The following PAPPA2 variants were observed in gnomAD, a reference collection of about 807,000 sequenced individuals.
PAPPA2 encodes pappalysin 2.
A neutral mutation model predicts 176.4 loss-of-function variants in PAPPA2; 86 were observed. The ratio of observed to expected loss-of-function variants is 0.49; its 90% CI spans 0.41 to 0.58. PAPPA2 has a LOEUF of 0.58. Ranked by LOEUF, PAPPA2 falls within the 20% of genes least tolerant of loss-of-function variation. The probability of loss-of-function intolerance (pLI) is 0.00; values close to 1 mark genes in which losing one functional copy is unlikely to be tolerated. For missense variants in PAPPA2, 2,073 were observed against 2,256.9 expected, an observed-to-expected ratio of 0.92 and a Z score of 1.65; for synonymous variants, 809 against 852.2, an observed-to-expected ratio of 0.95 and a Z score of 0.88.
At chr1:176,515,948 CG>C (rs1485836352) in intron 1 of PAPPA2, among the ~76,000 whole-genome samples, 2 of 152,154 alleles carry the variant, frequency 1.3e-5, no homozygotes, top group Non-Finnish European at 2.9e-5. Flanking sequence ...CAACAGTTCT[CG>C]GAAGGAGGTA....
chr1:176,568,372 T>C (rs1464782543), intron 2 of PAPPA2, among the ~76,000 whole-genome samples: 1 of 152,196 alleles, frequency 6.6e-6, no homozygotes, highest in African/African-American at 2.4e-5. Flanking sequence ...TTTACAAATA[T>C]TAACTCACAT....
intron 1 of PAPPA2, among the ~76,000 whole-genome samples, chr1:176,512,977 G>A (rs1648698460): frequency 6.6e-6 from 1 of 152,132 alleles, no homozygotes. Context: ...AAAAGTTAGG[G>A]ATAGCCTGAT....
chr1:176,683,776 T>C (rs528679956), intron 4 of PAPPA2, among the ~76,000 whole-genome samples: 4 of 152,224 alleles, frequency 2.6e-5, no homozygotes, highest in Admixed American at 2.6e-4. Flanking sequence ...GTGGTTCCTC[T>C]CTAGGGCTAA....
At chr1:176,817,533 GGT>G (rs1274224447) in intron 21 of PAPPA2, among the ~76,000 whole-genome samples, 1 of 152,058 alleles carries the variant, frequency 6.6e-6, no homozygotes, top group African/African-American at 2.4e-5. Context: ...GTTAGGAGAC[GGT>G]GTCCGTATTT....
intron 21 of PAPPA2, among the ~76,000 whole-genome samples, chr1:176,801,938 C>A (rs1479418993): frequency 6.6e-6 from 1 of 152,068 alleles, no homozygotes; most frequent in African/African-American, 2.4e-5. Context: ...TGACAAGGAA[C>A]AAAAGCTCCA....
rs375669561 is a variant in PAPPA2, at chr1:176,626,636, AAATTCTTGTC to A, written c.1991+31045_1991+31054del. Among the ~76,000 whole-genome samples, 250 of 152,308 alleles carry A rather than the reference AAATTCTTGTC, an allele frequency of 1.6e-3. 3 individuals carry two copies. Among genetic ancestry groups the A allele is most frequent in the African/African-American group, 5.7e-3 (239 of 41,566 alleles). ...AATAAAAACTTAGACAGTGTTTTGGAAATTCTTGTCAATGGAGTTATATTAGAATTGATTT... is the reference window on the plus strand; with the variant it reads ...AATAAAAACTTAGACAGTGTTTTGGAAATGGAGTTATATTAGAATTGATTT... On this transcript the variant is annotated intron_variant, in intron 3 of 22. Coordinates refer to ENST00000367662, the MANE Select transcript of PAPPA2 (RefSeq NM_020318.3).
At chr1:176,652,094 G>T (rs1657757200) in intron 3 of PAPPA2, among the ~76,000 whole-genome samples, 1 of 151,062 alleles carries the variant, frequency 6.6e-6, no homozygotes, top group South Asian at 2.1e-4. Context: ...CTGCTATTTT[G>T]AATTTTTGGT....
intron 19 of PAPPA2, among the ~76,000 whole-genome samples, chr1:176,793,159 A>G (rs1665258400): frequency 6.6e-6 from 1 of 152,194 alleles, no homozygotes; most frequent in Admixed American, 6.5e-5. Flanking sequence ...AAACAGGAAT[A>G]TTAGATATAT....
chr1:176,807,881 T>C (rs1038059902), intron 21 of PAPPA2, among the ~76,000 whole-genome samples: 2 of 152,196 alleles, frequency 1.3e-5, no homozygotes, highest in Admixed American at 6.5e-5. Flanking sequence ...TGCTCTCCTA[T>C]ACTGATGCCG....
intron 6 of PAPPA2, among the ~76,000 whole-genome samples, chr1:176,693,631 C>T (rs564261216): frequency 4.6e-5 from 7 of 152,246 alleles, no homozygotes; most frequent in South Asian, 2.1e-4. Context: ...GTATTTCAGC[C>T]TCTTGGGATT....
rs148070557 is a variant in PAPPA2, at chr1:176,788,969, C to T, written c.4716-840C>T. On this transcript the variant is annotated intron_variant, in intron 17 of 22. Transcript: ENST00000367662. ...CATCAATTATATTGCCATATCAACA[C>T]TGTTGATCCTCAAATCACTTCTGAT... Among the ~76,000 whole-genome samples, 56 of 152,298 alleles carry T rather than the reference C, an allele frequency of 3.7e-4. 1 individual carries two copies. Among genetic ancestry groups the T allele is most frequent in the Middle Eastern group, 6.8e-3 (2 of 294 alleles).
intron 1 of PAPPA2, among the ~76,000 whole-genome samples, chr1:176,542,455 T>C (rs2102568340): frequency 6.6e-6 from 1 of 152,356 alleles, no homozygotes; most frequent in Non-Finnish European, 1.5e-5. Flanking sequence ...GCTGGATCCA[T>C]TGCTGAGAAA....
rs137990021 is a variant in PAPPA2 at position 176,690,762 on chromosome 1, C to T, written c.2431+332C>T. 3,089 of 1,109,784 alleles carry T rather than the reference C, an allele frequency of 2.8e-3. 22 individuals carry two copies. Among genetic ancestry groups the T allele is most frequent in the African/African-American group, 0.019 (1,148 of 61,622 alleles). 68.7% of individuals were successfully genotyped at this position (1,109,784 alleles called of 1,614,324 possible). ...GAATGTGGTTATTCTTATTTTTGCC[C>T]GCATTCTTAGACATTTACTCTGAAG... On this transcript the variant is annotated intron_variant, in intron 5 of 22. Transcript: ENST00000367662.
intron 1 of PAPPA2, among the ~76,000 whole-genome samples, chr1:176,475,166 G>A (rs1214717126): frequency 6.6e-6 from 1 of 152,088 alleles, no homozygotes; most frequent in African/African-American, 2.4e-5. Flanking sequence ...ACTGTTCCTG[G>A]GGTACGTGGC....
intron 1 of PAPPA2, among the ~76,000 whole-genome samples, chr1:176,552,631 C>T (rs1442875872): frequency 1.3e-5 from 2 of 152,174 alleles, no homozygotes; most frequent in Non-Finnish European, 2.9e-5. Context: ...TATCCTCTCC[C>T]TTCATTCCTT....
At chr1:176,501,227 T>C (rs1647943922) in intron 1 of PAPPA2, among the ~76,000 whole-genome samples, 1 of 152,030 alleles carries the variant, frequency 6.6e-6, no homozygotes, top group Non-Finnish European at 1.5e-5. Flanking sequence ...AAGCTTTTTC[T>C]AACAGCTTTG....
At chr1:176,763,814 A>G (rs1011613615) in intron 14 of PAPPA2, among the ~76,000 whole-genome samples, 1 of 152,212 alleles carries the variant, frequency 6.6e-6, no homozygotes, top group Non-Finnish European at 1.5e-5. Flanking sequence ...GGAAGTTCAA[A>G]GGAAGAGGGC....
In PAPPA2 at chr1:176,504,888, T is replaced by C. The variant is rs12080374; in HGVS notation, c.-917+41470T>C. Reference sequence around the variant, plus strand: ...CAGATGGATGATGAAATGAAGATAATACGGAACAGAGCTATAATCTACCCA... The same window carrying C: ...CAGATGGATGATGAAATGAAGATAACACGGAACAGAGCTATAATCTACCCA... On this transcript the variant is annotated intron_variant, in intron 1 of 22. Coordinates refer to ENST00000367662, the MANE Select transcript of PAPPA2 (RefSeq NM_020318.3). Among the ~76,000 whole-genome samples, 461 of 152,194 alleles carry C rather than the reference T, an allele frequency of 3.0e-3. 1 individual carries two copies. The highest frequency in any genetic ancestry group is 0.011 in the African/African-American group (440 of 41,546).
In PAPPA2 at chr1:176,556,757, C is replaced by A; in HGVS notation, c.435C>A (p.Asp145Glu). ...IGQSELLGDD[D>E]AYLGNQRSKE... ...AATCTGAGCTGCTGGGAGATGATGA[C>A]GCTTATCTCGGCAATCAAAGATCCA... The change falls in exon 2 of 23, where the codon GAC (aspartate) becomes GAA (glutamate). Residue 145 changes from aspartate (D) to glutamate (E), a missense_variant. Asp to Glu is a conservative substitution (Grantham distance 45, BLOSUM62 2). This residue lies in a region of PAPPA2 where 1,196 missense variants were observed against 1,330.4 expected (regional missense o/e 0.90). Coordinates refer to ENST00000367662, the MANE Select transcript of PAPPA2 (RefSeq NM_020318.3). 6.2e-7 allele frequency: 1 copy of A among 1,614,076 alleles called. No homozygotes were observed. The highest frequency in any genetic ancestry group is 8.5e-7 in the Non-Finnish European group (1 of 1,180,000).
Sources: gnomAD v4.1 joint callset for allele counts (sites outside exome capture counted in the v4.1 genomes callset) on GRCh38, gnomAD v4.1.1 for gene constraint, gnomAD v4.1.1 regional missense constraint, MANE v1.5 for transcripts, NCBI Gene and HGNC (gene_info 2026-07-23, HGNC 2026-07-21) for gene names.